Variants in RBMS1 observed in about 807,000 individuals in gnomAD.
The protein encoded by RBMS1 is RNA binding motif single stranded interacting protein 1, also known as RNA-binding motif, single-stranded-interacting protein 1.
Under a neutral mutation model 62.3 loss-of-function variants are expected in RBMS1, and 17 were observed. The observed-to-expected ratio is 0.27, with a 90% CI of 0.19 to 0.41. RBMS1 has a LOEUF of 0.41. Among genes scored for constraint, RBMS1 ranks in the 10% least tolerant of loss-of-function variants. The pLI, the probability that RBMS1 is intolerant of heterozygous loss-of-function variation, is 1.00. For synonymous variants in RBMS1, 172 were observed against 170.0 expected (o/e 1.01, Z -0.09); for missense variants, 334 against 504.5 (o/e 0.66, Z 3.24).
At chr2:160,293,264 T>G (rs1320362125) in intron 6 of RBMS1, among the ~76,000 whole-genome samples, 3 of 152,176 alleles carry the variant, frequency 2.0e-5, no homozygotes, top group African/African-American at 7.2e-5. Flanking sequence ...CTCTAAACAT[T>G]ATCTTTTCTG....
chr2:160,282,250 G>T, intron 9 of RBMS1: 1 of 1,367,782 alleles, frequency 7.3e-7, no homozygotes, highest in Non-Finnish European at 9.8e-7. Context: ...AATGTATTGC[G>T]ATTTACCTTG....
chr2:160,396,622 G>A (rs1695156535), intron 1 of RBMS1, among the ~76,000 whole-genome samples: 1 of 129,106 alleles, frequency 7.7e-6, no homozygotes, highest in Non-Finnish European at 1.6e-5. Context: ...CTGGAGTACA[G>A]TGGCACCATC....
At chr2:160,278,889 A>C (rs1687969398) in intron 10 of RBMS1, 3 of 439,340 alleles carry the variant, frequency 6.8e-6, no homozygotes, top group Non-Finnish European at 1.2e-5. Flanking sequence ...CATTCACTTC[A>C]CAACAATCCC....
chr2:160,426,297 AGAAG>A (rs565449663), intron 1 of RBMS1, among the ~76,000 whole-genome samples: 6,190 of 55,460 alleles, frequency 0.11, 928 homozygotes, highest in African/African-American at 0.15. Context: ...AAGAAAAGAA[AGAAG>A]GAAGGAAGGA....
At chr2:160,408,160 C>T (rs1189056013) in intron 1 of RBMS1, among the ~76,000 whole-genome samples, 1 of 151,820 alleles carries the variant, frequency 6.6e-6, no homozygotes, top group Admixed American at 6.6e-5. Context: ...TAGCCAACCC[C>T]CCTCCTCTGT....
chr2:160,477,385 A>G (rs865783254), intron 1 of RBMS1, among the ~76,000 whole-genome samples: 1 of 152,172 alleles, frequency 6.6e-6, no homozygotes, highest in African/African-American at 2.4e-5. Context: ...AAAAAATTTT[A>G]TATACTTGCT....
intron 1 of RBMS1, among the ~76,000 whole-genome samples, chr2:160,446,997 GCTT>G (rs1683681250): frequency 6.6e-6 from 1 of 152,208 alleles, no homozygotes; most frequent in Non-Finnish European, 1.5e-5. Context: ...TGTAACTAAT[GCTT>G]ACTCCAGGCA....
intron 4 of RBMS1, among the ~76,000 whole-genome samples, chr2:160,306,122 T>C (rs1239099702): frequency 9.6e-6 from 1 of 104,010 alleles, no homozygotes; most frequent in Admixed American, 1.1e-4. Flanking sequence ...GCAAGATTGT[T>C]TCTCTCGTGT....
intron 1 of RBMS1, among the ~76,000 whole-genome samples, chr2:160,431,736 A>G (rs1282370436): frequency 6.6e-6 from 1 of 152,136 alleles, no homozygotes; most frequent in African/African-American, 2.4e-5. Context: ...CACACATGCT[A>G]TTCTCTATGC....
chr2:160,421,903 G>T (rs1030414984), intron 1 of RBMS1, among the ~76,000 whole-genome samples: 1 of 152,208 alleles, frequency 6.6e-6, no homozygotes, highest in Non-Finnish European at 1.5e-5. Context: ...GGCCAGGGAT[G>T]ATGAGCATTT....
At chr2:160,480,862 T>TG (rs1185710467) in intron 1 of RBMS1, among the ~76,000 whole-genome samples, 1 of 152,006 alleles carries the variant, frequency 6.6e-6, no homozygotes, top group Non-Finnish European at 1.5e-5. Flanking sequence ...ACGGATCACC[T>TG]GGGGCCAGGA....
chr2:160,445,924 A>G (rs974264315), intron 1 of RBMS1, among the ~76,000 whole-genome samples: 1 of 152,018 alleles, frequency 6.6e-6, no homozygotes, highest in Non-Finnish European at 1.5e-5. Flanking sequence ...TCTCTTGGAG[A>G]TACTGTTCAG....
At chr2:160,380,056 A>AT (rs1314503151) in intron 1 of RBMS1, among the ~76,000 whole-genome samples, 3 of 152,118 alleles carry the variant, frequency 2.0e-5, no homozygotes, top group African/African-American at 7.2e-5. Context: ...GCAATCTTTC[A>AT]TTTTCCATTG....
At chr2:160,488,101 T>C (rs1305453306) in intron 1 of RBMS1, among the ~76,000 whole-genome samples, 1 of 152,226 alleles carries the variant, frequency 6.6e-6, no homozygotes, top group Admixed American at 6.5e-5. Context: ...GTTTCTATTA[T>C]CAAATTTGCA....
intron 6 of RBMS1, among the ~76,000 whole-genome samples, chr2:160,295,327 T>G (rs763337842): frequency 1.3e-5 from 2 of 152,176 alleles, no homozygotes; most frequent in Non-Finnish European, 2.9e-5. Flanking sequence ...GTTCCCTGAG[T>G]CTAGCACAAA....
At chr2:160,383,457 G>T (rs373067955) in intron 1 of RBMS1, among the ~76,000 whole-genome samples, 1,942 of 150,786 alleles carry the variant, frequency 0.013, 63 homozygotes, top group African/African-American at 0.044. Context: ...ATGAATTGGG[G>T]GGGGGGGAAC....
chr2:160,441,446 G>A (rs545998863), intron 1 of RBMS1, among the ~76,000 whole-genome samples: 8 of 152,266 alleles, frequency 5.3e-5, no homozygotes, highest in East Asian at 1.9e-4. Flanking sequence ...TTAAGAGGCC[G>A]GGCACAGTGA....
intron 4 of RBMS1, 118 bp downstream of exon 4, chr2:160,313,038 A>C: frequency 1.1e-6 from 1 of 870,644 alleles, no homozygotes; most frequent in Non-Finnish European, 1.8e-6. Context: ...AGTGTCCAGA[A>C]GGCGCTGTGC....
At chr2:160,298,241 G>C (rs1036413961) in intron 6 of RBMS1, among the ~76,000 whole-genome samples, 6 of 152,090 alleles carry the variant, frequency 3.9e-5, no homozygotes, top group African/African-American at 1.4e-4. Context: ...TGGGAGTCTG[G>C]GTAGATACTG....
Sources: allele counts gnomAD v4.1 joint callset (sites outside exome capture counted in the v4.1 genomes callset), GRCh38; gene constraint gnomAD v4.1.1; transcripts MANE v1.5; gene names NCBI Gene and HGNC (gene_info 2026-07-23, HGNC 2026-07-21).